The following RARB variants were observed in gnomAD, a reference collection of about 807,000 sequenced individuals.
RARB encodes the protein HBV-activated protein.
In RARB, 17 loss-of-function variants were observed where a neutral mutation model predicts 51.9. The ratio of observed to expected loss-of-function variants is 0.33; its 90% confidence interval spans 0.22 to 0.49. The LOEUF is 0.49. Ranked by LOEUF, RARB falls within the 20% of genes least tolerant of loss-of-function variation. The pLI, the probability that RARB is intolerant of heterozygous loss-of-function variation, is 0.99. For synonymous variants in RARB, 215 were observed against 195.4 expected (o/e 1.10, Z -0.84); for missense variants, 369 against 550.8 (o/e 0.67, Z 3.30).
chr3:25,478,741 C>A (rs1359308804), intron 2 of RARB, among the ~76,000 whole-genome samples: 1 of 152,214 alleles, frequency 6.6e-6, no homozygotes, highest in Admixed American at 6.5e-5. Flanking sequence ...TTTATGGAAA[C>A]AGACCGCAAG....
chr3:25,385,405 G>A (rs1706763499), intron 5 of RARB, among the ~76,000 whole-genome samples: 1 of 152,074 alleles, frequency 6.6e-6, no homozygotes, highest in Non-Finnish European at 1.5e-5. Flanking sequence ...TTGGACACTG[G>A]GTGTGATTAC....
intron 2 of RARB, among the ~76,000 whole-genome samples, chr3:24,893,621 G>T (rs544624569): frequency 6.6e-6 from 1 of 152,124 alleles, no homozygotes; most frequent in South Asian, 2.1e-4. Context: ...GGGCACAAGT[G>T]ATCCTCCTGT....
intron 5 of RARB, among the ~76,000 whole-genome samples, chr3:25,200,289 G>T (rs1321814221): frequency 4.1e-5 from 6 of 146,334 alleles, no homozygotes; most frequent in African/African-American, 1.2e-4. Context: ...TTTCTGGTGG[G>T]TTTTTTTTTT....
chr3:25,043,468 T>C (rs777395401), intron 2 of RARB, among the ~76,000 whole-genome samples: 1 of 152,244 alleles, frequency 6.6e-6, no homozygotes, highest in Non-Finnish European at 1.5e-5. Flanking sequence ...GTGTTTTTAT[T>C]TTATTTCTTT....
At chr3:24,943,542 G>A (rs531452452) in intron 2 of RARB, among the ~76,000 whole-genome samples, 1 of 152,278 alleles carries the variant, frequency 6.6e-6, no homozygotes, top group East Asian at 1.9e-4. Flanking sequence ...TGAGCTTAAG[G>A]AATTACCTAA....
In RARB at chr3:25,560,903, G is replaced by C. The variant is rs1700242945; in HGVS notation, c.449-8855G>C. Among the ~76,000 whole-genome samples, 3 of 152,200 alleles carry C rather than the reference G, an allele frequency of 2.0e-5. No individual in the cohort carries two copies. The South Asian group carries it at 6.2e-4, about 32-fold the overall frequency. On this transcript the variant is annotated intron_variant, in intron 3 of 7. Coordinates refer to ENST00000330688, the MANE Select transcript of RARB (RefSeq NM_000965.5). The stretch of plus-strand genomic sequence containing the variant: ...TGGCTACAGGACTCAATAAATGTTT[G>C]GTGAATAAACAAATTGGTATAGGGC...
At chr3:25,469,344 A>G (rs571468690) in intron 2 of RARB, among the ~76,000 whole-genome samples, 2 of 152,340 alleles carry the variant, frequency 1.3e-5, no homozygotes, top group Admixed American at 6.5e-5. Context: ...ATTGGAGTGG[A>G]TAAACATGAA....
At chr3:24,849,348 T>C (rs1237316212) in intron 1 of RARB, among the ~76,000 whole-genome samples, 1 of 152,204 alleles carries the variant, frequency 6.6e-6, no homozygotes, top group African/African-American at 2.4e-5. Context: ...CGTGTGTTCA[T>C]GGACAAAGTG....
chr3:25,238,781 C>G (rs1219780424), intron 5 of RARB, among the ~76,000 whole-genome samples: 3 of 152,082 alleles, frequency 2.0e-5, no homozygotes, highest in Non-Finnish European at 4.4e-5. Flanking sequence ...AGGATCAAGA[C>G]CAGCCTGGCC....
At chr3:25,529,585 G>A (rs1161889716) in intron 3 of RARB, among the ~76,000 whole-genome samples, 1 of 152,150 alleles carries the variant, frequency 6.6e-6, no homozygotes, top group Admixed American at 6.5e-5. Context: ...TGAAGGAGGA[G>A]GAAATGGGAA....
chr3:25,048,752 CT>C lies in RARB; in HGVS notation c.-379-11352del, dbSNP rs34598308. On this transcript the variant is annotated intron_variant, in intron 2 of 11. Coordinates refer to the RARB transcript ENST00000383772. ...TCTGCAGAGAAAGAAATTAAGCCCA[CT>C]TTTTTTTTTTTTTTTTTTTTGAGAC... Among the ~76,000 whole-genome samples, 381 of 108,376 alleles carry C rather than the reference CT, an allele frequency of 3.5e-3. 2 individuals are homozygous for C. Among genetic ancestry groups the C allele is most frequent in the South Asian group, 8.4e-3 (28 of 3,336 alleles). 71.1% of individuals were successfully genotyped at this position (108,376 alleles called of 152,430 possible).
At chr3:25,067,715 C>T (rs557164550) in intron 3 of RARB, among the ~76,000 whole-genome samples, 1 of 152,212 alleles carries the variant, frequency 6.6e-6, no homozygotes, top group South Asian at 2.1e-4. Context: ...GCTTGCACCA[C>T]TATTGCCTTC....
chr3:25,204,184 T>G (rs1240442207), intron 5 of RARB, among the ~76,000 whole-genome samples: 1 of 152,214 alleles, frequency 6.6e-6, no homozygotes, highest in Non-Finnish European at 1.5e-5. Context: ...AATTTGATCT[T>G]CAATCATTGA....
intron 2 of RARB, among the ~76,000 whole-genome samples, chr3:24,906,569 G>T (rs554793122): frequency 5.4e-4 from 82 of 152,250 alleles, no homozygotes; most frequent in African/African-American, 1.9e-3. Context: ...CTGGCTGGGA[G>T]TGGTGACTCA....
At chr3:25,356,298 C>T (rs1705731607) in intron 5 of RARB, among the ~76,000 whole-genome samples, 1 of 152,026 alleles carries the variant, frequency 6.6e-6, no homozygotes, top group Non-Finnish European at 1.5e-5. Flanking sequence ...AGTACAAAAG[C>T]TAATTTTAAC....
intron 5 of RARB, among the ~76,000 whole-genome samples, chr3:25,278,181 GT>G (rs1703437692): frequency 1.3e-5 from 2 of 152,148 alleles, no homozygotes; most frequent in Admixed American, 6.6e-5. Flanking sequence ...GTGTGGTGTG[GT>G]GGTTGGCGGT....
intron 4 of RARB, among the ~76,000 whole-genome samples, chr3:25,137,279 T>C (rs532235227): frequency 6.6e-6 from 1 of 152,100 alleles, no homozygotes; most frequent in Non-Finnish European, 1.5e-5. Flanking sequence ...ATTCTTATAA[T>C]TTATCATTTC....
At chr3:25,296,177 G>C (rs1420903660) in intron 5 of RARB, among the ~76,000 whole-genome samples, 5 of 152,102 alleles carry the variant, frequency 3.3e-5, no homozygotes, top group Non-Finnish European at 7.4e-5. Flanking sequence ...TTAGAAGAGG[G>C]TAAGAAGACA....
At chr3:24,891,594 T>C (rs949030986) in intron 2 of RARB, among the ~76,000 whole-genome samples, 3 of 152,206 alleles carry the variant, frequency 2.0e-5, no homozygotes, top group African/African-American at 7.2e-5. Context: ...TTAATATTCA[T>C]CTGCCTTTTC....
Sources: allele counts gnomAD v4.1 joint callset (sites outside exome capture counted in the v4.1 genomes callset), GRCh38; gene constraint gnomAD v4.1.1; transcripts MANE v1.5; gene names NCBI Gene and HGNC (gene_info 2026-07-23, HGNC 2026-07-21).